The following EPB41L4B variants were observed in gnomAD, a reference collection of about 807,000 sequenced individuals.
The protein encoded by EPB41L4B is band 4.1-like protein 4B.
In EPB41L4B, 30 loss-of-function variants were observed where a neutral mutation model predicts 112.5. That is an observed-to-expected ratio of 0.27 (90% CI 0.20 to 0.36). The LOEUF (loss-of-function observed/expected upper bound fraction) is 0.36, where lower values mean the gene tolerates loss of function less well. Ranked by LOEUF, EPB41L4B falls within the 10% of genes least tolerant of loss-of-function variation. EPB41L4B has a pLI of 1.00. For synonymous variants in EPB41L4B, 408 were observed against 439.7 expected (o/e 0.93, Z 0.90); for missense variants, 1,024 against 1,133.3 (o/e 0.90, Z 1.38).
chr9:109,302,717 C>T (rs528914973), intron 1 of EPB41L4B, among the ~76,000 whole-genome samples: 7 of 152,214 alleles, frequency 4.6e-5, no homozygotes, highest in African/African-American at 1.7e-4. Flanking sequence ...TGGCCAACTT[C>T]GGTCCTATGA....
intron 1 of EPB41L4B, among the ~76,000 whole-genome samples, chr9:109,291,750 C>T (rs534890051): frequency 6.6e-6 from 1 of 152,266 alleles, no homozygotes; most frequent in Non-Finnish European, 1.5e-5. Flanking sequence ...ATCAGTTCCA[C>T]GGATGACCAG....
At chr9:109,246,496 T>C (rs758461502) in intron 14 of EPB41L4B, among the ~76,000 whole-genome samples, 1 of 152,232 alleles carries the variant, frequency 6.6e-6, no homozygotes, top group South Asian at 2.1e-4. Flanking sequence ...AATATACTGA[T>C]AGGAAGCAAA....
intron 1 of EPB41L4B, among the ~76,000 whole-genome samples, chr9:109,297,669 C>A (rs557738953): frequency 6.6e-6 from 1 of 152,238 alleles, no homozygotes; most frequent in Admixed American, 6.5e-5. Flanking sequence ...GGCCTCGCTG[C>A]GTGGCAGCCC....
At chr9:109,202,081 A>T (rs796750240) in intron 19 of EPB41L4B, among the ~76,000 whole-genome samples, 25 of 152,216 alleles carry the variant, frequency 1.6e-4, no homozygotes, top group African/African-American at 6.0e-4. Flanking sequence ...GGACTTGGTG[A>T]CCAATTAGAT....
At chr9:109,314,965 C>T (rs751246754) in intron 1 of EPB41L4B, among the ~76,000 whole-genome samples, 1 of 152,168 alleles carries the variant, frequency 6.6e-6, no homozygotes, top group African/African-American at 2.4e-5. Flanking sequence ...TCACCCTCCC[C>T]AACACACTCA....
chr9:109,211,137 CA>C (rs1368599900), intron 17 of EPB41L4B, among the ~76,000 whole-genome samples: 1 of 152,098 alleles, frequency 6.6e-6, no homozygotes, highest in Non-Finnish European at 1.5e-5. Context: ...GAAAGTTATC[CA>C]AACCTTAGAA....
chr9:109,197,347 T>C (rs1438871852), intron 20 of EPB41L4B, among the ~76,000 whole-genome samples: 1 of 151,722 alleles, frequency 6.6e-6, no homozygotes, highest in African/African-American at 2.4e-5. Context: ...CACTTGAACC[T>C]AGGGGGCGGA....
At chr9:109,237,278 A>G (rs1834180363) in intron 15 of EPB41L4B, among the ~76,000 whole-genome samples, 2 of 152,220 alleles carry the variant, frequency 1.3e-5, no homozygotes, top group South Asian at 2.1e-4. Context: ...TTTGAAGACC[A>G]AGGTAATTAA....
intron 25 of EPB41L4B, among the ~76,000 whole-genome samples, chr9:109,175,134 C>G (rs572990912): frequency 8.6e-5 from 13 of 151,938 alleles, no homozygotes; most frequent in African/African-American, 2.2e-4. Flanking sequence ...CCAGGCTGGT[C>G]TCGAACTCCT....
In EPB41L4B at chr9:109,319,904, G is replaced by A. The variant is rs142459994; in HGVS notation, c.306+237C>T. Among the ~76,000 whole-genome samples the A allele has an allele frequency of 2.7e-3, 411 of 152,210 alleles. 4 individuals carry two copies. Among genetic ancestry groups the A allele is most frequent in the African/African-American group, 9.7e-3 (401 of 41,554 alleles). On this transcript the variant is annotated intron_variant, in intron 1 of 25. Transcript: ENST00000374566. ...GGACTAGGTGGGCGCCAGAGAAATC[G>A]CAACCCCGCGGCGCAATGTGCCAAG... is the stretch of plus-strand genomic sequence containing the variant.
At chr9:109,202,480 A>T (rs1832867912) in intron 19 of EPB41L4B, among the ~76,000 whole-genome samples, 1 of 152,222 alleles carries the variant, frequency 6.6e-6, no homozygotes. Context: ...GGTCTGGAGT[A>T]GGACCCAGGA....
intron 17 of EPB41L4B, among the ~76,000 whole-genome samples, chr9:109,208,336 G>T (rs1393558659): frequency 2.0e-5 from 3 of 152,250 alleles, no homozygotes; most frequent in African/African-American, 7.2e-5. Flanking sequence ...AGTGGCAGAA[G>T]AGGACATCTC....
chr9:109,223,293 CG>C, intron 15 of EPB41L4B, among the ~76,000 whole-genome samples: 1 of 152,078 alleles, frequency 6.6e-6, no homozygotes, highest in South Asian at 2.1e-4. Context: ...AAAATTAACC[CG>C]GTATGGTGGC....
At chr9:109,192,389 C>T (rs369101701) in intron 21 of EPB41L4B, 34 bp from the exon 22 acceptor site, 44 of 1,530,464 alleles carry the variant, frequency 2.9e-5, no homozygotes, top group Admixed American at 1.1e-4. Context: ...TGGTTAGAGA[C>T]GGCACTGCAT....
At chr9:109,266,773 G>A (rs1266784272) in intron 4 of EPB41L4B, among the ~76,000 whole-genome samples, 4 of 152,056 alleles carry the variant, frequency 2.6e-5, no homozygotes, top group African/African-American at 9.7e-5. Flanking sequence ...TCTGAGACCA[G>A]CCTGGCTAAC....
At chr9:109,226,425 G>A (rs1006951909) in intron 15 of EPB41L4B, among the ~76,000 whole-genome samples, 1 of 151,892 alleles carries the variant, frequency 6.6e-6, no homozygotes, top group Admixed American at 6.6e-5. Flanking sequence ...GGAGTGATAA[G>A]CAGGTTCTGT....
At chr9:109,243,816 G>C (rs546983279) in intron 14 of EPB41L4B, 134 bp from the exon 15 acceptor site, 10 of 797,252 alleles carry the variant, frequency 1.3e-5, no homozygotes, top group African/African-American at 1.2e-4. Context: ...CCCTGGCTAG[G>C]GGGTGGATGT....
At chr9:109,253,674 T>C (rs1403334081) in intron 11 of EPB41L4B, 124 bp from the exon 12 acceptor site, 11 of 676,040 alleles carry the variant, frequency 1.6e-5, no homozygotes, top group South Asian at 5.1e-5. Flanking sequence ...TGAACTCACT[T>C]GGGTAAAGAA....
At chr9:109,209,981 G>C (rs971613371) in intron 17 of EPB41L4B, among the ~76,000 whole-genome samples, 1 of 152,164 alleles carries the variant, frequency 6.6e-6, no homozygotes, top group Non-Finnish European at 1.5e-5. Flanking sequence ...TCAATTCTCT[G>C]AATCTGTTTC....
Sources: allele counts gnomAD v4.1 joint callset (sites outside exome capture counted in the v4.1 genomes callset), GRCh38; gene constraint gnomAD v4.1.1; transcripts MANE v1.5; gene names NCBI Gene and HGNC (gene_info 2026-07-23, HGNC 2026-07-21).